The following CBFA2T3 variants were observed in gnomAD, a reference collection of about 807,000 sequenced individuals.
The protein encoded by CBFA2T3 is CBFA2/RUNX1 partner transcriptional co-repressor 3, also known as transcriptional corepressor CBFA2T3.
In CBFA2T3, 31 loss-of-function variants were observed where a neutral mutation model predicts 58.6. That is an observed-to-expected ratio of 0.53 (90% CI 0.40 to 0.71). The LOEUF (loss-of-function observed/expected upper bound fraction) is 0.71. Among genes scored for constraint, CBFA2T3 ranks in the 30% least tolerant of loss-of-function variants. The probability of loss-of-function intolerance (pLI) is 0.00; values close to 1 mark genes in which losing one functional copy is unlikely to be tolerated. For synonymous variants in CBFA2T3, 531 were observed against 421.9 expected (o/e 1.26, Z -3.17); for missense variants, 1,076 against 963.1 (o/e 1.12, Z -1.55).
intron 1 of CBFA2T3, among the ~76,000 whole-genome samples, chr16:88,929,326 C>T (rs950335843): frequency 4.6e-5 from 7 of 152,286 alleles, no homozygotes; most frequent in South Asian, 4.1e-4. Context: ...CTGTGAGAGG[C>T]GTGGTGAGGG....
intron 3 of CBFA2T3, among the ~76,000 whole-genome samples, chr16:88,895,553 C>T (rs1232047926): frequency 6.6e-6 from 1 of 152,186 alleles, no homozygotes; most frequent in Non-Finnish European, 1.5e-5. Flanking sequence ...ACCGAGCAAA[C>T]AGCGCTGGGC....
At chr16:88,920,114 C>G (rs115928318) in intron 1 of CBFA2T3, among the ~76,000 whole-genome samples, 2 of 152,098 alleles carry the variant, frequency 1.3e-5, no homozygotes, top group Non-Finnish European at 2.9e-5. Context: ...GGTGTGCGCC[C>G]GAGGCCTGCC....
At chr16:88,889,304 GAT>G (rs1287941823) in intron 5 of CBFA2T3, among the ~76,000 whole-genome samples, 5 of 136,266 alleles carry the variant, frequency 3.7e-5, no homozygotes, top group Non-Finnish European at 7.9e-5. Context: ...GGGATGGAGC[GAT>G]AGAGGAGGGA....
At chr16:88,914,209 G>A (rs1970616253) in intron 1 of CBFA2T3, among the ~76,000 whole-genome samples, 1 of 152,244 alleles carries the variant, frequency 6.6e-6, no homozygotes, top group South Asian at 2.1e-4. Context: ...TCCGTTTCTA[G>A]AAAATTCAGA....
At chr16:88,930,672 TG>T (rs1218238145) in intron 1 of CBFA2T3, among the ~76,000 whole-genome samples, 4 of 123,026 alleles carry the variant, frequency 3.3e-5, no homozygotes, top group African/African-American at 6.2e-5. Context: ...GACTGAGGGC[TG>T]GGGGTGGAGG....
At chr16:88,927,911 G>A (rs540517354) in intron 1 of CBFA2T3, among the ~76,000 whole-genome samples, 3 of 152,336 alleles carry the variant, frequency 2.0e-5, no homozygotes, top group African/African-American at 4.8e-5. Context: ...CAGAAAAGCC[G>A]CAGATGCTGA....
chr16:88,909,093 C>A (rs1970436979), intron 1 of CBFA2T3, among the ~76,000 whole-genome samples: 1 of 152,198 alleles, frequency 6.6e-6, no homozygotes. Flanking sequence ...GGCCTGCAAC[C>A]AACCCGAGGG....
rs1972876711 is a variant in CBFA2T3 at position 88,976,849 on chromosome 16, G to A, written c.-42C>T. ...AGGGGCCAACCTGGAGCCCAGGACA[G>A]GCCTCTACCAGGACTGCCTTTCCCG... On this transcript the variant is annotated 5_prime_UTR_variant, in exon 1 of 12. Transcript: ENST00000268679. 6.6e-7 allele frequency: 1 copy of A among 1,524,770 alleles called. No homozygotes were observed. 94.5% of individuals were successfully genotyped at this position (1,524,770 alleles called of 1,614,324 possible). A position where few individuals can be genotyped will look rare whatever the true frequency, so the allele number is the denominator to read the frequency against.
chr16:88,932,272 C>CACACGGCCCCTGCTT (rs1971337697), intron 1 of CBFA2T3, among the ~76,000 whole-genome samples: 1 of 148,970 alleles, frequency 6.7e-6, no homozygotes, highest in African/African-American at 2.5e-5. Context: ...ACTTCCCCAT[C>CACACGGCCCCTGCTT]CCGGAAAACA....
At chr16:88,922,350 T>C (rs1388098879) in intron 1 of CBFA2T3, among the ~76,000 whole-genome samples, 1 of 152,184 alleles carries the variant, frequency 6.6e-6, no homozygotes, top group African/African-American at 2.4e-5. Flanking sequence ...CCTAGGATCC[T>C]CCCCGGGAAG....
At chr16:88,971,555 GCCTGGGAGCGGCCGT>G (rs1972656243) in intron 1 of CBFA2T3, among the ~76,000 whole-genome samples, 1 of 152,194 alleles carries the variant, frequency 6.6e-6, no homozygotes, top group African/African-American at 2.4e-5. Flanking sequence ...TGCCCGACAG[GCCTGGGAGCGGCCGT>G]CCTGGGGGTG....
intron 1 of CBFA2T3, among the ~76,000 whole-genome samples, chr16:88,933,219 G>C (rs1313454435): frequency 6.6e-6 from 1 of 152,238 alleles, no homozygotes; most frequent in Non-Finnish European, 1.5e-5. Context: ...CCTGGGGGCT[G>C]TTTTGCGCTC....
intron 1 of CBFA2T3, among the ~76,000 whole-genome samples, chr16:88,932,073 GCAC>G (rs879798525): frequency 1.3e-5 from 2 of 152,090 alleles, no homozygotes; most frequent in Non-Finnish European, 2.9e-5. Context: ...TTACACACAT[GCAC>G]CTGCACGTGC....
chr16:88,901,495 G>T lies in CBFA2T3; in HGVS notation c.304+9C>A. 2.1e-6 allele frequency: 3 copies of T among 1,440,072 alleles called. No individual in the cohort carries two copies. The highest frequency in any genetic ancestry group is 2.8e-6 in the Non-Finnish European group (3 of 1,089,122). The allele number at this position is 1,440,072 out of a possible 1,614,324, so 89.2% of individuals were successfully genotyped here. A position where few individuals can be genotyped will look rare whatever the true frequency, so the allele number is the denominator to read the frequency against. ...CCTGGCCCTCGGCTGCCAGGTGGGG[G>T]CTACTTACGTGTGTGTGGCGTGAAG... On this transcript the variant is annotated intron_variant, in intron 2 of 11. Coordinates refer to ENST00000268679, the MANE Select transcript of CBFA2T3 (RefSeq NM_005187.6).
chr16:88,968,165 C>A (rs1204647599), intron 1 of CBFA2T3, among the ~76,000 whole-genome samples: 1 of 152,212 alleles, frequency 6.6e-6, no homozygotes, highest in Non-Finnish European at 1.5e-5. Context: ...GAGAGGCACG[C>A]CCTGGTGAGA....
At chr16:88,931,861 G>C (rs1462127958) in intron 1 of CBFA2T3, among the ~76,000 whole-genome samples, 1 of 152,168 alleles carries the variant, frequency 6.6e-6, no homozygotes, top group Non-Finnish European at 1.5e-5. Context: ...ACAGTGCAGA[G>C]GGGATGGGGA....
At position 88,976,688 on chromosome 16, in the gene CBFA2T3, G is replaced by C. The variant is rs771084473; in HGVS notation, c.120C>G (p.Ser40=). 4.5e-5 allele frequency: 70 copies of C among 1,562,048 alleles called. No homozygotes were observed. Among genetic ancestry groups the C allele is most frequent in the Non-Finnish European group, 5.5e-5 (63 of 1,153,314 alleles). The change falls in exon 1 of 12, where the codon TCC becomes TCG. Residue 40 remains serine, a synonymous_variant. Transcript: ENST00000268679. ...CGCCCTTCCTGGGACCCCGGGGTGC[G>C]GAGCAGCCGGCAGATGCCAGGAGGC... ...ESGLLASAGC[S]APRGPRKGGP... is the part of the protein sequence containing the mutation.
In CBFA2T3 at chr16:88,915,745, G is replaced by C. The variant is rs140545688; in HGVS notation, c.152-14089C>G. On this transcript the variant is annotated intron_variant, in intron 1 of 11. Coordinates refer to ENST00000268679, the MANE Select transcript of CBFA2T3 (RefSeq NM_005187.6). ...GGGGAGCGTGGAAGGGGGAGCGTGG[G>C]GGGGGAGTGTTAAGGGGGAAGTGCA... is the stretch of plus-strand genomic sequence containing the variant. Among the ~76,000 whole-genome samples the C allele has an allele frequency of 2.4e-3, 284 of 119,544 alleles. 2 individuals are homozygous for C. The highest frequency in any genetic ancestry group is 0.011 in the African/African-American group (262 of 24,552). 78.4% of individuals were successfully genotyped at this position (119,544 alleles called of 152,430 possible).
rs953292167 is a variant in CBFA2T3 at position 88,885,069 on chromosome 16, A to G, written c.1094T>C (p.Leu365Pro). 6.2e-7 allele frequency: 1 copy of G among 1,600,514 alleles called. No homozygotes were observed. The highest frequency in any genetic ancestry group is 2.2e-5 in the East Asian group (1 of 44,672). ...ACCAAGCGGCCGATGGCGCTCTCGT[A>G]GCTCCCGGGGGTCTGGGTGGCGGTA... ...DAYRHPDPRE[L>P]RERHRPLVVP... Residue 365 changes from leucine to proline, a missense_variant, in exon 7 of 12, where the codon CTA (leucine) becomes CCA (proline). Transcript: ENST00000268679. This position sits in a 1 kb window ranked among gnomAD's most constrained non-coding sequence, Gnocchi z 5.3.
Sources: gnomAD v4.1 joint callset for allele counts (sites outside exome capture counted in the v4.1 genomes callset) on GRCh38, gnomAD v4.1.1 for gene constraint, Gnocchi (gnomAD v3.1) non-coding constraint, MANE v1.5 for transcripts, NCBI Gene and HGNC (gene_info 2026-07-23, HGNC 2026-07-21) for gene names.